The following R3HDM2 variants were observed in gnomAD, a reference collection of about 807,000 sequenced individuals.
R3HDM2 encodes R3H domain containing 2, also known as R3H domain-containing protein 2.
In R3HDM2, 38 loss-of-function variants were observed where a neutral mutation model predicts 124.5. That is an observed-to-expected ratio of 0.31 (90% CI 0.24 to 0.40). R3HDM2 has a LOEUF of 0.40. Among genes scored for constraint, R3HDM2 ranks in the 10% least tolerant of loss-of-function variants. The probability of loss-of-function intolerance (pLI) is 1.00; values close to 1 mark genes in which losing one functional copy is unlikely to be tolerated. For synonymous variants in R3HDM2, 391 were observed against 448.0 expected (o/e 0.87, Z 1.61); for missense variants, 869 against 1,236.9 (o/e 0.70, Z 4.46).
At chr12:57,372,175 C>T (rs144327121) in intron 2 of R3HDM2, among the ~76,000 whole-genome samples, 152 of 152,186 alleles carry the variant, frequency 1.0e-3, no homozygotes, top group African/African-American at 3.1e-3. Flanking sequence ...CCAACTGTGG[C>T]CTGTTCTTAT....
chr12:57,374,767 G>A (rs1213235331), intron 2 of R3HDM2, among the ~76,000 whole-genome samples: 2 of 149,920 alleles, frequency 1.3e-5, no homozygotes, highest in Non-Finnish European at 3.0e-5. Context: ...GCTGAGGCAG[G>A]CAGATCACGA....
chr12:57,279,940 T>C (rs945095230), intron 14 of R3HDM2, among the ~76,000 whole-genome samples: 1 of 152,138 alleles, frequency 6.6e-6, no homozygotes, highest in Non-Finnish European at 1.5e-5. Context: ...CCCCAACACA[T>C]AAATAGGTGT....
At chr12:57,322,725 T>A (rs974615733) in intron 2 of R3HDM2, among the ~76,000 whole-genome samples, 6 of 152,094 alleles carry the variant, frequency 3.9e-5, no homozygotes, top group Non-Finnish European at 7.4e-5. Context: ...CTCAGATAAA[T>A]CTAATAACTT....
At chr12:57,261,979 C>T (rs1157480428) in intron 19 of R3HDM2, among the ~76,000 whole-genome samples, 1 of 152,044 alleles carries the variant, frequency 6.6e-6, no homozygotes, top group East Asian at 1.9e-4. Flanking sequence ...CACAGCAAAC[C>T]GCATAAATAC....
chr12:57,416,038 CTG>C (rs2069559659), intron 1 of R3HDM2, among the ~76,000 whole-genome samples: 1 of 152,082 alleles, frequency 6.6e-6, no homozygotes, highest in Non-Finnish European at 1.5e-5. Context: ...TATTATATCA[CTG>C]TAAAATATTT....
intron 1 of R3HDM2, chr12:57,418,403 A>G (rs1408109845): frequency 1.1e-6 from 1 of 916,184 alleles, no homozygotes; most frequent in Non-Finnish European, 1.3e-6. Flanking sequence ...GTGGTTGCGC[A>G]GGCTGCCGTT....
intron 1 of R3HDM2, among the ~76,000 whole-genome samples, chr12:57,403,199 T>C (rs948790852): frequency 2.0e-5 from 3 of 151,956 alleles, no homozygotes; most frequent in Non-Finnish European, 4.4e-5. Flanking sequence ...CTACTAAAAA[T>C]ACGAAACAAT....
At chr12:57,346,033 G>A (rs1350661495) in intron 2 of R3HDM2, among the ~76,000 whole-genome samples, 1 of 152,124 alleles carries the variant, frequency 6.6e-6, no homozygotes. Flanking sequence ...GGTGGTGGGT[G>A]CCTGTAATCC....
chr12:57,266,424 A>T (rs905665467), intron 19 of R3HDM2, among the ~76,000 whole-genome samples: 2 of 146,040 alleles, frequency 1.4e-5, no homozygotes, highest in African/African-American at 2.6e-5. Flanking sequence ...AGTAGAGTCA[A>T]AGTCTTGCTA....
At chr12:57,342,934 T>C (rs1248451167) in intron 2 of R3HDM2, among the ~76,000 whole-genome samples, 3 of 152,294 alleles carry the variant, frequency 2.0e-5, no homozygotes, top group African/African-American at 4.8e-5. Flanking sequence ...TCTATTCCTC[T>C]TCCTATTATT....
intron 1 of R3HDM2, among the ~76,000 whole-genome samples, chr12:57,429,367 AC>A (rs1375231529): frequency 6.6e-6 from 1 of 152,260 alleles, no homozygotes; most frequent in Non-Finnish European, 1.5e-5. Context: ...GAGAACAGCA[AC>A]AGGGTAAGAA....
intron 7 of R3HDM2, 137 bp from the exon 8 acceptor site, chr12:57,297,524 C>A: frequency 5.6e-6 from 3 of 540,178 alleles, no homozygotes; most frequent in South Asian, 2.8e-5. Context: ...AGTAATGAAC[C>A]ATAATGCTGC....
chr12:57,375,370 C>T (rs932095198), intron 2 of R3HDM2, among the ~76,000 whole-genome samples: 5 of 151,874 alleles, frequency 3.3e-5, no homozygotes, highest in Non-Finnish European at 7.4e-5. Flanking sequence ...CAAATGGTAT[C>T]GAAAAAAATT....
chr12:57,388,155 G>A (rs2066137331), intron 2 of R3HDM2, among the ~76,000 whole-genome samples: 1 of 151,652 alleles, frequency 6.6e-6, no homozygotes, highest in Non-Finnish European at 1.5e-5. Flanking sequence ...AGTAGAGATG[G>A]GGTTTCACCA....
chr12:57,265,759 G>A (rs2042202107), intron 19 of R3HDM2, among the ~76,000 whole-genome samples: 1 of 151,202 alleles, frequency 6.6e-6, no homozygotes, highest in Non-Finnish European at 1.5e-5. Context: ...TCAGACTCCT[G>A]AGCAGCTGTT....
At chr12:57,387,774 C>T (rs2066059097) in intron 2 of R3HDM2, among the ~76,000 whole-genome samples, 1 of 152,074 alleles carries the variant, frequency 6.6e-6, no homozygotes, top group Non-Finnish European at 1.5e-5. Context: ...ATGTTATGCC[C>T]ATGGGCGGAC....
At chr12:57,414,648 C>T (rs551647952) in intron 1 of R3HDM2, among the ~76,000 whole-genome samples, 2 of 151,752 alleles carry the variant, frequency 1.3e-5, no homozygotes, top group South Asian at 4.2e-4. Context: ...CCAGCCTGGC[C>T]AACATGGCAA....
intron 12 of R3HDM2, among the ~76,000 whole-genome samples, chr12:57,286,455 A>G (rs1164074340): frequency 6.6e-6 from 1 of 152,226 alleles, no homozygotes; most frequent in African/African-American, 2.4e-5. Flanking sequence ...AGAGAAGATC[A>G]GCTTCTAATC....
At chr12:57,309,622 G>A (rs2053494896) in intron 3 of R3HDM2, among the ~76,000 whole-genome samples, 1 of 152,230 alleles carries the variant, frequency 6.6e-6, no homozygotes, top group Non-Finnish European at 1.5e-5. Context: ...AACACTGTGT[G>A]TAAAGCCAGG....
Sources: gnomAD v4.1 joint callset for allele counts (sites outside exome capture counted in the v4.1 genomes callset) on GRCh38, gnomAD v4.1.1 for gene constraint, MANE v1.5 for transcripts, NCBI Gene and HGNC (gene_info 2026-07-23, HGNC 2026-07-21) for gene names.